GABRG3: variants seen among roughly 807,000 people sequenced by gnomAD.
GABRG3 encodes gamma-aminobutyric acid type A receptor subunit gamma3, also known as gamma-aminobutyric acid receptor subunit gamma-3.
GABRG3 carries 25 observed loss-of-function variants against 48.8 expected under a neutral mutation model. The ratio of observed to expected loss-of-function variants is 0.51; its 90% CI spans 0.37 to 0.72. The LOEUF (loss-of-function observed/expected upper bound fraction) is 0.72, where lower values mean the gene tolerates loss of function less well. GABRG3 is among the 30% of genes least tolerant of loss of function. The pLI is 0.00. For missense variants in GABRG3, 394 were observed against 577.9 expected (o/e 0.68, Z 3.26); for synonymous variants, 227 against 217.6 (o/e 1.04, Z -0.38).
intron 6 of GABRG3, among the ~76,000 whole-genome samples, chr15:27,512,468 C>T (rs927361827): frequency 2.0e-5 from 3 of 152,074 alleles, no homozygotes; most frequent in Admixed American, 6.6e-5. Flanking sequence ...GCAGGAGGCA[C>T]GAGAAGCAGG....
At chr15:27,285,366 C>T (rs1891577571) in intron 3 of GABRG3, among the ~76,000 whole-genome samples, 2 of 151,288 alleles carry the variant, frequency 1.3e-5, no homozygotes, top group East Asian at 3.9e-4. Flanking sequence ...AGGTAGAGGA[C>T]CAGCTCTCTG....
At chr15:27,067,487 G>T (rs1251033591) in intron 3 of GABRG3, among the ~76,000 whole-genome samples, 1 of 152,174 alleles carries the variant, frequency 6.6e-6, no homozygotes, top group African/African-American at 2.4e-5. Context: ...TGCTCCCCAG[G>T]GTGGCCGACA....
chr15:27,232,833 TAGTC>T (rs1215717848), intron 3 of GABRG3, among the ~76,000 whole-genome samples: 2 of 152,204 alleles, frequency 1.3e-5, no homozygotes, highest in Admixed American at 6.5e-5. Context: ...TAAGATGAAA[TAGTC>T]AGGCCCATGG....
rs150318914 is a variant in GABRG3, at chr15:27,031,381, T to C, written c.270+4560T>C. ...GATATTTTTACTGTTTCCATAGTTT[T>C]GCTTTTTCCTAAGTGTCACATACTT... is the stretch of plus-strand genomic sequence containing the variant. On this transcript the variant is annotated intron_variant, in intron 3 of 9. Coordinates refer to ENST00000615808, the MANE Select transcript of GABRG3 (RefSeq NM_033223.5). Among the ~76,000 whole-genome samples the C allele has an allele frequency of 6.9e-4, 105 of 152,352 alleles. 1 individual carries two copies. Among genetic ancestry groups the C allele is most frequent in the African/African-American group, 2.5e-3 (103 of 41,582 alleles).
chr15:27,125,993 T>A (rs1043516135), intron 3 of GABRG3, among the ~76,000 whole-genome samples: 1 of 152,250 alleles, frequency 6.6e-6, no homozygotes, highest in Non-Finnish European at 1.5e-5. Context: ...AACTGCCTTA[T>A]GCATGCAACT....
intron 5 of GABRG3, among the ~76,000 whole-genome samples, chr15:27,446,725 A>C (rs569656245): frequency 1.3e-5 from 2 of 152,154 alleles, no homozygotes; most frequent in Admixed American, 1.3e-4. Flanking sequence ...ATTCTTGTTG[A>C]TCTCATTGGA....
At chr15:27,322,687 G>T (rs538769357) in intron 3 of GABRG3, among the ~76,000 whole-genome samples, 1 of 152,254 alleles carries the variant, frequency 6.6e-6, no homozygotes, top group African/African-American at 2.4e-5. Flanking sequence ...AAATGATGTC[G>T]CACAGTTTAT....
intron 2 of GABRG3, among the ~76,000 whole-genome samples, chr15:27,010,025 A>G (rs1329942433): frequency 6.6e-6 from 1 of 151,954 alleles, no homozygotes; most frequent in Non-Finnish European, 1.5e-5. Context: ...GCTTACTGCA[A>G]CCTCTGCCTC....
At chr15:27,440,872 G>T (rs1888762660) in intron 5 of GABRG3, among the ~76,000 whole-genome samples, 1 of 152,196 alleles carries the variant, frequency 6.6e-6, no homozygotes, top group African/African-American at 2.4e-5. Context: ...GTTAAGTGAT[G>T]ATGTAAATAG....
chr15:27,255,644 G>A (rs1322921529), intron 3 of GABRG3, among the ~76,000 whole-genome samples: 1 of 151,732 alleles, frequency 6.6e-6, no homozygotes, highest in Non-Finnish European at 1.5e-5. Flanking sequence ...TTAAATCCTG[G>A]TACTTATTCA....
intron 3 of GABRG3, chr15:27,271,594 AGTC>A (rs1891092245): frequency 1.3e-5 from 1 of 77,312 alleles, no homozygotes; most frequent in Non-Finnish European, 3.5e-5. Flanking sequence ...TGCAACCTAG[AGTC>A]AGTCAGTCAG....
intron 5 of GABRG3, among the ~76,000 whole-genome samples, chr15:27,354,012 A>C (rs976018625): frequency 6.6e-6 from 1 of 152,136 alleles, no homozygotes; most frequent in Non-Finnish European, 1.5e-5. Context: ...GGAGGGAAGA[A>C]AGAAGGGAGG....
rs770681055 is a variant in GABRG3, at chr15:27,541,807, TGAG to T, written c.*8928_*8930del. Reference sequence around the variant, plus strand: ...TGCGGCTCGTGGTGTCCTAGTGAAATGAGGGCGCACTGGCGCCCGACGTGCCTT... The same window carrying T: ...TGCGGCTCGTGGTGTCCTAGTGAAATGGCGCACTGGCGCCCGACGTGCCTT... On this transcript the variant is annotated 3_prime_UTR_variant, in exon 10 of 10. Transcript: ENST00000615808. 2 of 152,124 alleles carry T rather than the reference TGAG, an allele frequency of 1.3e-5. No homozygotes were observed. Among genetic ancestry groups the T allele is most frequent in the Non-Finnish European group, 2.9e-5 (2 of 68,036 alleles). The allele number at this position is 152,124 out of a possible 1,614,324, so 9.4% of individuals were successfully genotyped here.
chr15:27,230,985 T>A (rs1354444612), intron 3 of GABRG3, among the ~76,000 whole-genome samples: 2 of 150,358 alleles, frequency 1.3e-5, no homozygotes, highest in Non-Finnish European at 1.5e-5. Flanking sequence ...TTTTAAGTGG[T>A]TGAGCCAAGT....
At chr15:27,448,175 CT>C (rs1888999667) in intron 5 of GABRG3, among the ~76,000 whole-genome samples, 1 of 152,004 alleles carries the variant, frequency 6.6e-6, no homozygotes, top group South Asian at 2.1e-4. Flanking sequence ...ACCTGCATAT[CT>C]GAGAAAACTG....
chr15:27,476,756 G>A lies in GABRG3; in HGVS notation c.575-3894G>A, dbSNP rs141631801. On this transcript the variant is annotated intron_variant, in intron 5 of 9. Coordinates refer to ENST00000615808, the MANE Select transcript of GABRG3 (RefSeq NM_033223.5). ...AGAAGAGAAGAGAAGAGAAGCAGGG[G>A]CAAAATTACTTGAAAAAATAGTGGC... 3.3e-3 allele frequency among the ~76,000 whole-genome samples: 497 copies of A among 152,222 alleles called. 23 individuals carry two copies. The highest frequency in any genetic ancestry group is 0.029 in the Admixed American group (439 of 15,296).
At chr15:27,252,294 C>T (rs2140460708) in intron 3 of GABRG3, among the ~76,000 whole-genome samples, 1 of 152,280 alleles carries the variant, frequency 6.6e-6, no homozygotes, top group South Asian at 2.1e-4. Flanking sequence ...TCAGAACTGG[C>T]CCCCGGTGTC....
intron 5 of GABRG3, among the ~76,000 whole-genome samples, chr15:27,336,237 G>GAGAGAGAGAGAAAGAA (rs1566792015): frequency 1.2e-4 from 17 of 143,388 alleles, no homozygotes; most frequent in African/African-American, 4.7e-4. Flanking sequence ...AGAGAGAGGA[G>GAGAGAGAGAGAAAGAA]AAGAAAAGAA....
chr15:27,282,291 C>T (rs1490596293), intron 3 of GABRG3, among the ~76,000 whole-genome samples: 1 of 152,078 alleles, frequency 6.6e-6, no homozygotes, highest in Non-Finnish European at 1.5e-5. Flanking sequence ...AATTGAGTAA[C>T]TTTCTGTTTT....
Sources: gnomAD v4.1 joint callset for allele counts (sites outside exome capture counted in the v4.1 genomes callset) on GRCh38, gnomAD v4.1.1 for gene constraint, MANE v1.5 for transcripts, NCBI Gene and HGNC (gene_info 2026-07-23, HGNC 2026-07-21) for gene names.